Variants in ST3GAL6 observed in about 807,000 individuals in gnomAD.
The protein encoded by ST3GAL6 is type 2 lactosamine alpha-2,3-sialyltransferase.
ST3GAL6 carries 31 observed loss-of-function variants against 40.5 expected under a neutral mutation model. The ratio of observed to expected loss-of-function variants is 0.77; its 90% CI spans 0.58 to 1.03. ST3GAL6 has a LOEUF of 1.03. Ranked by LOEUF, ST3GAL6 falls within the 50% of genes least tolerant of loss-of-function variation. The pLI, the probability that ST3GAL6 is intolerant of heterozygous loss-of-function variation, is 0.00. For missense variants in ST3GAL6, 357 were observed against 393.2 expected, an observed-to-expected ratio of 0.91 and a Z score of 0.78; for synonymous variants, 129 against 136.9, an observed-to-expected ratio of 0.94 and a Z score of 0.40.
Position 98,772,929 on chromosome 3 carries a change from ATTC to A in ST3GAL6, c.271+16_271+18del. 6.6e-7 allele frequency: 1 copy of A among 1,517,720 alleles called. No individual in the cohort carries two copies. The highest frequency in any genetic ancestry group is 1.7e-5 in the Admixed American group (1 of 59,230). The allele number at this position is 1,517,720 out of a possible 1,614,324, so 94.0% of individuals were successfully genotyped here. A position where few individuals can be genotyped will look rare whatever the true frequency, so the allele number is the denominator to read the frequency against. On this transcript the variant is annotated intron_variant, in intron 4 of 9. Coordinates refer to ENST00000483910, the MANE Select transcript of ST3GAL6 (RefSeq NM_001323368.2). The stretch of plus-strand genomic sequence containing the variant: ...ATGAGAACATCAGGTCAGTAGTAGT[ATTC>A]TTACCTGGTTCTGTTAAATTTGAGT...
At chr3:98,740,461 C>G (rs1935981628) in intron 1 of ST3GAL6, among the ~76,000 whole-genome samples, 1 of 151,954 alleles carries the variant, frequency 6.6e-6, no homozygotes, top group South Asian at 2.1e-4. Context: ...GACGCTGTAG[C>G]CACGCAGGTC....
At chr3:98,775,151 T>C (rs1421878040) in intron 5 of ST3GAL6, among the ~76,000 whole-genome samples, 2 of 152,172 alleles carry the variant, frequency 1.3e-5, no homozygotes, top group Non-Finnish European at 2.9e-5. Flanking sequence ...ACCTAGATAG[T>C]TCAACTCCAG....
At chr3:98,782,854 G>T (rs1940278161) in intron 5 of ST3GAL6, 3 of 479,366 alleles carry the variant, frequency 6.3e-6, no homozygotes, top group South Asian at 1.7e-5. Context: ...TCCTGATTTT[G>T]CAGGAAATCC....
At chr3:98,732,910 C>G in intron 1 of ST3GAL6, 2 of 1,508,310 alleles carry the variant, frequency 1.3e-6, no homozygotes, top group South Asian at 1.2e-5. Flanking sequence ...GGAGCAGCGG[C>G]CCCTCAGGTC....
At chr3:98,781,435 A>G (rs1169194116) in intron 5 of ST3GAL6, among the ~76,000 whole-genome samples, 1 of 151,826 alleles carries the variant, frequency 6.6e-6, no homozygotes, top group Non-Finnish European at 1.5e-5. Context: ...TATGTAACAA[A>G]CCTGCACGTT....
intron 2 of ST3GAL6, among the ~76,000 whole-genome samples, 188 bp downstream of exon 2, chr3:98,768,717 C>A (rs377604321): frequency 3.3e-4 from 51 of 152,260 alleles, no homozygotes; most frequent in African/African-American, 1.2e-3. Context: ...TAAAAGTTGA[C>A]AAGCAACACC....
At chr3:98,733,207 G>GGC (rs953749794) in intron 1 of ST3GAL6, 1 of 940,602 alleles carries the variant, frequency 1.1e-6, no homozygotes, top group African/African-American at 1.8e-5. Flanking sequence ...AGGGACCATG[G>GGC]GCGCTGGGAC....
At chr3:98,755,017 C>G (rs957879127) in intron 1 of ST3GAL6, among the ~76,000 whole-genome samples, 2 of 152,142 alleles carry the variant, frequency 1.3e-5, no homozygotes, top group Admixed American at 6.5e-5. Flanking sequence ...CATGCAATAT[C>G]TCTTCAGTGT....
At position 98,795,057 on chromosome 3, in the gene ST3GAL6, C is replaced by CA. The variant is rs1941500713; in HGVS notation, c.*1299dup. On this transcript the variant is annotated 3_prime_UTR_variant, in exon 10 of 10. Transcript: ENST00000483910. ...ATCCAATGCAAGCCAGTCAATCCTA[C>CA]AAATGTGGTGAGCTAGTCTTCCTTC... The CA allele has an allele frequency of 6.6e-6, 1 of 152,154 alleles. No homozygotes were observed. Among genetic ancestry groups the CA allele is most frequent in the South Asian group, 2.1e-4 (1 of 4,832 alleles). The allele number at this position is 152,154 out of a possible 1,614,324, so 9.4% of individuals were successfully genotyped here. A position where few individuals can be genotyped will look rare whatever the true frequency, so the allele number is the denominator to read the frequency against.
Position 98,763,511 on chromosome 3 carries a change from G to C in ST3GAL6, c.-12+72G>C. On this transcript the variant is annotated intron_variant, in intron 1 of 9. Transcript: ENST00000483910. ...AAATCTAGATGCTGCTGAGATATTA[G>C]ACATTAGGTGCCCACAGGCTGTGTG... 3 of 1,263,046 alleles carry C rather than the reference G, an allele frequency of 2.4e-6. No individual in the cohort carries two copies. The South Asian group carries it at 3.7e-5, about 16-fold the overall frequency. 78.2% of individuals were successfully genotyped at this position (1,263,046 alleles called of 1,614,324 possible).
At chr3:98,776,788 G>A (rs1939591194) in intron 5 of ST3GAL6, among the ~76,000 whole-genome samples, 1 of 152,210 alleles carries the variant, frequency 6.6e-6, no homozygotes, top group Non-Finnish European at 1.5e-5. Flanking sequence ...AGGGTCAGAT[G>A]TTGTTGGTGC....
Position 98,763,413 on chromosome 3 carries a change from G to T in ST3GAL6, c.-38G>T. 1 of 1,289,808 alleles carries T rather than the reference G, an allele frequency of 7.8e-7. No individual in the cohort carries two copies. Among genetic ancestry groups the T allele is most frequent in the Non-Finnish European group, 1.0e-6 (1 of 988,872 alleles). 79.9% of individuals were successfully genotyped at this position (1,289,808 alleles called of 1,614,324 possible). A position where few individuals can be genotyped will look rare whatever the true frequency, so the allele number is the denominator to read the frequency against. ...AGGGGCTGAATGGACACAGGTGTCA[G>T]CAGGGCCACCTGGTAAAGGTATGGA... On this transcript the variant is annotated 5_prime_UTR_variant, in exon 1 of 10. Transcript: ENST00000483910.
chr3:98,766,979 C>A (rs928737916), intron 1 of ST3GAL6, among the ~76,000 whole-genome samples: 1 of 152,188 alleles, frequency 6.6e-6, no homozygotes, highest in African/African-American at 2.4e-5. Flanking sequence ...GTTGACTCTT[C>A]ACAGGGATTA....
chr3:98,753,745 C>G (rs535535623), intron 1 of ST3GAL6, among the ~76,000 whole-genome samples: 7 of 152,342 alleles, frequency 4.6e-5, no homozygotes, highest in Admixed American at 4.6e-4. Flanking sequence ...AGGAGGATCA[C>G]TTGAGCACAG....
chr3:98,787,966 C>CT, intron 6 of ST3GAL6, 70 bp from the exon 7 acceptor site: 2 of 1,423,094 alleles, frequency 1.4e-6, no homozygotes, highest in Non-Finnish European at 1.9e-6. Flanking sequence ...TCTGAAACCT[C>CT]TGAGAACTGT....
chr3:98,765,459 A>G (rs1161487798), intron 1 of ST3GAL6, among the ~76,000 whole-genome samples: 7 of 152,208 alleles, frequency 4.6e-5, no homozygotes, highest in Non-Finnish European at 1.0e-4. Flanking sequence ...TGAGCCTTAA[A>G]TGGAGGGATG....
intron 1 of ST3GAL6, chr3:98,733,019 A>G: frequency 6.9e-7 from 1 of 1,440,122 alleles, no homozygotes; most frequent in African/African-American, 1.5e-5. Context: ...CGGGTGAGGG[A>G]AATTGGGGGT....
At chr3:98,735,177 A>G (rs184255154) in intron 1 of ST3GAL6, among the ~76,000 whole-genome samples, 7 of 152,324 alleles carry the variant, frequency 4.6e-5, no homozygotes, top group East Asian at 3.9e-4. Context: ...CCCATTTTAT[A>G]GCTTAAAAAA....
chr3:98,755,071 G>A (rs951307659), intron 1 of ST3GAL6, among the ~76,000 whole-genome samples: 1 of 151,824 alleles, frequency 6.6e-6, no homozygotes, highest in Non-Finnish European at 1.5e-5. Flanking sequence ...TTTTTGAGAC[G>A]GAGTCTCGCT....
Sources: allele counts gnomAD v4.1 joint callset (sites outside exome capture counted in the v4.1 genomes callset), GRCh38; gene constraint gnomAD v4.1.1; transcripts MANE v1.5; gene names NCBI Gene and HGNC (gene_info 2026-07-23, HGNC 2026-07-21).